The following C3orf52 variants were observed in gnomAD, a reference collection of about 807,000 sequenced individuals.
C3orf52 encodes the protein TPA-induced transmembrane protein.
In C3orf52, 22 loss-of-function variants were observed where a neutral mutation model predicts 24.8. The ratio of observed to expected loss-of-function variants is 0.89; its 90% CI spans 0.63 to 1.27. The LOEUF is 1.27. C3orf52 is among the 50% of genes most tolerant of loss of function. C3orf52 has a pLI of 0.00. For missense variants in C3orf52, 265 were observed against 260.7 expected (o/e 1.02, Z -0.11); for synonymous variants, 93 against 100.2 (o/e 0.93, Z 0.43).
intron 2 of C3orf52, among the ~76,000 whole-genome samples, chr3:112,097,384 T>C (rs1448700003): frequency 1.3e-5 from 2 of 152,212 alleles, no homozygotes; most frequent in African/African-American, 4.8e-5. Context: ...GACCCTCATG[T>C]GATATCCCCC....
chr3:112,129,451 TG>T (rs1363798934), downstream of C3orf52: 2 of 152,228 alleles, frequency 1.3e-5, no homozygotes, highest in Admixed American at 6.5e-5. Flanking sequence ...ATGGTGGTTT[TG>T]GTTTGGGATG....
chr3:112,112,824 C>A, intron 4 of C3orf52, 140 bp from the exon 5 acceptor site: 1 of 772,748 alleles, frequency 1.3e-6, no homozygotes. Flanking sequence ...ACAGTATGTT[C>A]TTCCAGGACA....
In C3orf52 at chr3:112,117,545, G is replaced by C. The variant is rs1244405190; in HGVS notation, c.*899G>C. 6.6e-6 allele frequency: 1 copy of C among 152,344 alleles called. No individual in the cohort carries two copies. The highest frequency in any genetic ancestry group is 2.1e-4 in the South Asian group (1 of 4,830). 9.4% of individuals were successfully genotyped at this position (152,344 alleles called of 1,614,324 possible). A position where few individuals can be genotyped will look rare whatever the true frequency, so the allele number is the denominator to read the frequency against. ...CTTCCATTAGAGAATCATTAAGGCT[G>C]TTTAATATCTGCTCTGGATATTACG... On this transcript the variant is annotated 3_prime_UTR_variant, in exon 6 of 6. Coordinates refer to ENST00000264848, the MANE Select transcript of C3orf52 (RefSeq NM_024616.3).
chr3:112,130,496 T>C (rs2074427829), downstream of C3orf52: 1 of 1,613,924 alleles, frequency 6.2e-7, no homozygotes, highest in African/African-American at 1.3e-5. Context: ...AGGCATCTCT[T>C]GAGTGTTCTG....
At chr3:112,093,586 A>G (rs774412762) in intron 2 of C3orf52, 97 bp downstream of exon 2, 199 of 1,157,038 alleles carry the variant, frequency 1.7e-4, no homozygotes, top group Middle Eastern at 2.6e-4. Flanking sequence ...TAGCCATTTC[A>G]TTATTTATAA....
At position 112,093,989 on chromosome 3, in the gene C3orf52, T is replaced by C. The variant is rs571992684; in HGVS notation, c.268+500T>C. 5.3e-5 allele frequency among the ~76,000 whole-genome samples: 8 copies of C among 151,576 alleles called. No individual in the cohort carries two copies. The South Asian group carries it at 1.5e-3, about 28-fold the overall frequency. Reference sequence around the variant, plus strand: ...CATAAGCTGTCATTATTTTAACTTATTGTATTTATTTATTTTTTTTTTTGA... The same window carrying C: ...CATAAGCTGTCATTATTTTAACTTACTGTATTTATTTATTTTTTTTTTTGA... On this transcript the variant is annotated intron_variant, in intron 2 of 5. Coordinates refer to ENST00000264848, the MANE Select transcript of C3orf52 (RefSeq NM_024616.3).
Position 112,093,448 on chromosome 3 carries a change from G to A in C3orf52, c.227G>A (p.Gly76Asp), listed in dbSNP as rs776030114. 5 of 1,613,896 alleles carry A rather than the reference G, an allele frequency of 3.1e-6. No homozygotes were observed. The highest frequency in any genetic ancestry group is 2.2e-5 in the East Asian group (1 of 44,878). Residue 76 changes from glycine to aspartate, a missense_variant, in exon 2 of 6, where the codon GGT (glycine) becomes GAT (aspartate). Physicochemically the swap from Gly to Asp is moderately conservative, Grantham distance 94. Coordinates refer to ENST00000264848, the MANE Select transcript of C3orf52 (RefSeq NM_024616.3). ...ATGATCATCACCTCCATTTTCCTAGGTGTCATTACAGTGATCATCATAGGC... is the reference window on the plus strand; with the variant it reads ...ATGATCATCACCTCCATTTTCCTAGATGTCATTACAGTGATCATCATAGGC... ...LWMIITSIFL[G>D]VITVIIIGLC...
chr3:112,130,457 T>C, downstream of C3orf52: 1 of 1,614,028 alleles, frequency 6.2e-7, no homozygotes, highest in East Asian at 2.2e-5. Context: ...GGATGTTCTC[T>C]GTTTGGGGCT....
chr3:112,091,290 G>A (rs1289626304), intron 1 of C3orf52, among the ~76,000 whole-genome samples: 8 of 152,222 alleles, frequency 5.3e-5, no homozygotes, highest in Admixed American at 4.6e-4. Flanking sequence ...CAGTTTAAGA[G>A]CACCCCTCCT....
chr3:112,135,989 A>G (rs971146380), downstream of C3orf52, among the ~76,000 whole-genome samples: 6 of 152,172 alleles, frequency 3.9e-5, no homozygotes, highest in Non-Finnish European at 8.8e-5. Flanking sequence ...TTTATCTCAG[A>G]GCACACACCC....
chr3:112,119,776 C>A (rs894646158), downstream of C3orf52, among the ~76,000 whole-genome samples: 1 of 152,238 alleles, frequency 6.6e-6, no homozygotes, highest in African/African-American at 2.4e-5. Flanking sequence ...CCACAGACAT[C>A]CTTGAATCTT....
rs368014965 is a variant in C3orf52 at position 112,093,452 on chromosome 3, C to T, written c.231C>T (p.Val77=). Residue 77 remains valine, a synonymous_variant, in exon 2 of 6, where the codon GTC becomes GTT. Transcript: ENST00000264848. ...TCATCACCTCCATTTTCCTAGGTGTCATTACAGTGATCATCATAGGCTTAT... is the reference window on the plus strand; with the variant it reads ...TCATCACCTCCATTTTCCTAGGTGTTATTACAGTGATCATCATAGGCTTAT... ...WMIITSIFLG[V]ITVIIIGLCL... 3.1e-6 allele frequency: 5 copies of T among 1,613,704 alleles called. No homozygotes were observed. Among genetic ancestry groups the T allele is most frequent in the Non-Finnish European group, 4.2e-6 (5 of 1,179,708 alleles).
At chr3:112,106,959 G>A (rs1019657106) in intron 3 of C3orf52, among the ~76,000 whole-genome samples, 1 of 152,172 alleles carries the variant, frequency 6.6e-6, no homozygotes, top group African/African-American at 2.4e-5. Flanking sequence ...TTGTGTGGGA[G>A]ACACAAGACT....
rs747627067 is a variant in C3orf52, at chr3:112,125,242, GA to G, written c.*47-2990del. 22 of 1,580,864 alleles carry G rather than the reference GA, an allele frequency of 1.4e-5. No homozygotes were observed. The South Asian group carries it at 2.4e-4, about 17-fold the overall frequency. ...TCTTATTACCTGGATGGGAGTAGAT[GA>G]CATTCTTTCATCTGGAGAAAGAAAA... On this transcript the variant is annotated intron_variant, in intron 4 of 4. Transcript: ENST00000480282.
chr3:112,095,342 A>G (rs1300506032), intron 2 of C3orf52, among the ~76,000 whole-genome samples: 1 of 152,218 alleles, frequency 6.6e-6, no homozygotes, highest in Non-Finnish European at 1.5e-5. Context: ...TTGTCCTGAC[A>G]TAACTAGTTG....
rs761845275 is a variant in C3orf52 at position 112,102,870 on chromosome 3, C to T, written c.301C>T (p.Leu101Phe). The T allele has an allele frequency of 1.5e-5, 24 of 1,582,474 alleles. No individual in the cohort carries two copies. The South Asian group carries it at 2.4e-4, about 16-fold the overall frequency. The change falls in exon 3 of 6, where the codon CTT becomes TTT. Residue 101 changes from leucine (L) to phenylalanine (F), a missense_variant. By Grantham distance (22) the Leu-to-Phe change is conservative. Coordinates refer to ENST00000264848, the MANE Select transcript of C3orf52 (RefSeq NM_024616.3). The part of the protein sequence containing the change: ...TYVDEDENEI[L>F]ELSSNKTFFI... ...TGTTGATGAAGATGAAAATGAAATA[C>T]TTGAATTATCATCAAACAAAACATT... is the stretch of plus-strand genomic sequence containing the variant.
downstream of C3orf52, chr3:112,135,242 A>G (rs1492482): frequency 0.29 from 43,508 of 152,112 alleles, 6,402 homozygotes; most frequent in East Asian, 0.36. Context: ...CATTCCTTTA[A>G]CAAGTATGTG....
chr3:112,093,538 A>G (rs2107775838), intron 2 of C3orf52, 49 bp downstream of exon 2: 1 of 1,556,458 alleles, frequency 6.4e-7, no homozygotes, highest in Middle Eastern at 1.7e-4. Flanking sequence ...GAACTTACTT[A>G]AGGCTTGTGA....
At chr3:112,087,770 G>A (rs2073843041) in intron 1 of C3orf52, among the ~76,000 whole-genome samples, 2 of 151,084 alleles carry the variant, frequency 1.3e-5, no homozygotes, top group South Asian at 2.1e-4. Flanking sequence ...GTCCTCCAGG[G>A]CGGTGTCCAG....
Sources: allele counts gnomAD v4.1 joint callset (sites outside exome capture counted in the v4.1 genomes callset), GRCh38; gene constraint gnomAD v4.1.1; transcripts MANE v1.5; gene names NCBI Gene and HGNC (gene_info 2026-07-23, HGNC 2026-07-21).